Variants in C11orf54 observed in about 807,000 individuals in gnomAD.
The protein encoded by C11orf54 is beta-keto-L-gulonate decarboxylase.
In C11orf54, 29 loss-of-function variants were observed where a neutral mutation model predicts 35.5. That is an observed-to-expected ratio of 0.82 (90% CI 0.61 to 1.11). The LOEUF (loss-of-function observed/expected upper bound fraction) is 1.11. Ranked by LOEUF, C11orf54 falls within the 50% of genes most tolerant of loss-of-function variation. The probability of loss-of-function intolerance (pLI) is 0.00; values close to 1 mark genes in which losing one functional copy is unlikely to be tolerated. For synonymous variants in C11orf54, 108 were observed against 121.1 expected, an observed-to-expected ratio of 0.89 and a Z score of 0.71; for missense variants, 373 against 369.2, an observed-to-expected ratio of 1.01 and a Z score of -0.08.
chr11:93,750,077 A>G (rs1039200414), intron 2 of C11orf54, among the ~76,000 whole-genome samples: 3 of 152,224 alleles, frequency 2.0e-5, no homozygotes, highest in African/African-American at 7.2e-5. Context: ...CTCAAAAAAG[A>G]AGGTAATCCT....
At chr11:93,742,995 TTC>T (rs1419556547) in intron 1 of C11orf54, 1 of 152,174 alleles carries the variant, frequency 6.6e-6, no homozygotes, top group Non-Finnish European at 1.5e-5. Flanking sequence ...TTTGTATTTT[TTC>T]TTTTTTCTTT....
Position 93,764,583 on chromosome 11 carries a change from A to C in C11orf54, c.*2895A>C, listed in dbSNP as rs1943581187. The C allele has an allele frequency of 6.6e-6, 1 of 152,170 alleles. No homozygotes were observed. The highest frequency in any genetic ancestry group is 2.1e-4 in the South Asian group (1 of 4,830). The allele number at this position is 152,170 out of a possible 1,614,324, so 9.4% of individuals were successfully genotyped here. A position where few individuals can be genotyped will look rare whatever the true frequency, so the allele number is the denominator to read the frequency against. On this transcript the variant is annotated 3_prime_UTR_variant, in exon 9 of 9. Transcript: ENST00000354421. The stretch of plus-strand genomic sequence containing the variant: ...CCATCTAATAGAGATGGGGGAAAAG[A>C]TCAAAATGCTTTTCTTTTTAAATTT...
At chr11:93,748,400 G>A (rs554656912) in intron 2 of C11orf54, among the ~76,000 whole-genome samples, 6 of 151,926 alleles carry the variant, frequency 3.9e-5, no homozygotes, top group South Asian at 2.1e-4. Flanking sequence ...CTCCTGCCTC[G>A]GCCACCCAAA....
In C11orf54 at chr11:93,764,416, T is replaced by G. The variant is rs1943576976; in HGVS notation, c.*2728T>G. ...TGACCTTCCAAGGGGTGTGGGAATATTAGAACATCTATTTATATATTTTAT... is the reference window on the plus strand; with the variant it reads ...TGACCTTCCAAGGGGTGTGGGAATAGTAGAACATCTATTTATATATTTTAT... On this transcript the variant is annotated 3_prime_UTR_variant, in exon 9 of 9. Coordinates refer to ENST00000354421, the MANE Select transcript of C11orf54 (RefSeq NM_001286069.2). 1 of 152,168 alleles carries G rather than the reference T, an allele frequency of 6.6e-6. No individual in the cohort carries two copies. The highest frequency in any genetic ancestry group is 1.5e-5 in the Non-Finnish European group (1 of 68,042). The allele number at this position is 152,168 out of a possible 1,614,324, so 9.4% of individuals were successfully genotyped here.
At chr11:93,760,236 T>C (rs624883) in intron 8 of C11orf54, among the ~76,000 whole-genome samples, 143,263 of 152,238 alleles carry the variant, frequency 0.94, 68,074 homozygotes, top group East Asian at 1. Context: ...TGAGCCACCA[T>C]GCCCGGCCAT....
chr11:93,757,783 C>A (rs1256553164), intron 7 of C11orf54, among the ~76,000 whole-genome samples: 1 of 151,928 alleles, frequency 6.6e-6, no homozygotes, highest in Non-Finnish European at 1.5e-5. Flanking sequence ...CCTGTCTCGG[C>A]CTCCCAAAGT....
At chr11:93,747,600 T>C in intron 2 of C11orf54, 152 bp downstream of exon 2, 1 of 457,960 alleles carries the variant, frequency 2.2e-6, no homozygotes, top group Admixed American at 4.4e-5. Context: ...CATTTTCCAT[T>C]TCAGTATCTG....
intron 7 of C11orf54, 80 bp from the exon 8 acceptor site, chr11:93,759,662 A>G (rs1457935512): frequency 8.0e-6 from 5 of 626,632 alleles, no homozygotes; most frequent in African/African-American, 3.9e-5. Flanking sequence ...ATAATAATAA[A>G]TAAGTAAAAT....
intron 3 of C11orf54, among the ~76,000 whole-genome samples, chr11:93,751,561 C>A (rs74323218): frequency 0.23 from 34,590 of 151,552 alleles, 4,176 homozygotes; most frequent in Middle Eastern, 0.3. Flanking sequence ...TGTGCCACCA[C>A]GCCTGGCTAA....
At chr11:93,750,504 A>C in intron 3 of C11orf54, 60 bp downstream of exon 3, 1 of 1,280,950 alleles carries the variant, frequency 7.8e-7, no homozygotes, top group Non-Finnish European at 1.1e-6. Context: ...TGAAACTAGA[A>C]TTATTTTTAA....
intron 6 of C11orf54, among the ~76,000 whole-genome samples, chr11:93,756,210 A>G (rs943168853): frequency 2.7e-5 from 4 of 148,542 alleles, no homozygotes; most frequent in Non-Finnish European, 5.9e-5. Flanking sequence ...GGCTGGCACA[A>G]TGGCTTATGC....
At chr11:93,755,833 A>G (rs1266515748) in intron 6 of C11orf54, among the ~76,000 whole-genome samples, 2 of 151,794 alleles carry the variant, frequency 1.3e-5, no homozygotes, top group African/African-American at 2.4e-5. Flanking sequence ...TTCAGAGAGT[A>G]TGACAGGCAG....
chr11:93,741,766 A>G (rs1247091408), intron 1 of C11orf54, 38 bp downstream of exon 1: 3 of 303,424 alleles, frequency 9.9e-6, no homozygotes, highest in South Asian at 2.6e-5. Context: ...GCAAATAACA[A>G]AAACAAAACG....
At chr11:93,753,661 T>G in intron 3 of C11orf54, 21 bp from the exon 4 acceptor site, 2 of 1,612,124 alleles carry the variant, frequency 1.2e-6, no homozygotes, top group Non-Finnish European at 8.5e-7. Flanking sequence ...CTTGTGTTTT[T>G]GTTTTTTGGT....
chr11:93,757,692 G>A (rs553263599), intron 7 of C11orf54, among the ~76,000 whole-genome samples: 1 of 152,110 alleles, frequency 6.6e-6, no homozygotes, highest in Non-Finnish European at 1.5e-5. Flanking sequence ...ATCACAACCG[G>A]CTCATTTTGT....
rs78999810 is a variant in C11orf54, at chr11:93,743,654, C to T, written c.-98+1926C>T. 8.7e-4 allele frequency among the ~76,000 whole-genome samples: 132 copies of T among 152,276 alleles called. 2 individuals carry two copies. In the East Asian group the frequency reaches 0.022, roughly 26 times the overall value. ...TGCGGCTGTGTCTAGGGGATGCCCG[C>T]GACCCCTGAAGACCCACAGCCTGTC... is the stretch of plus-strand genomic sequence containing the variant. On this transcript the variant is annotated intron_variant, in intron 1 of 8. Coordinates refer to ENST00000354421, the MANE Select transcript of C11orf54 (RefSeq NM_001286069.2).
chr11:93,744,358 CCTAA>C (rs1371452894), intron 1 of C11orf54, among the ~76,000 whole-genome samples: 1 of 152,128 alleles, frequency 6.6e-6, no homozygotes, highest in Non-Finnish European at 1.5e-5. Context: ...AAACAACTGA[CCTAA>C]CTTTTTACTA....
rs1032027304 is a variant in C11orf54 at position 93,764,374 on chromosome 11, T to A, written c.*2686T>A. On this transcript the variant is annotated 3_prime_UTR_variant, in exon 9 of 9. Transcript: ENST00000354421. ...TTAGTGTCCTCCAAAATGGGGTGCA[T>A]GGACAGCAGGTACACATGACCTTCC... is the stretch of plus-strand genomic sequence containing the variant. 1 of 152,212 alleles carries A rather than the reference T, an allele frequency of 6.6e-6. No individual in the cohort carries two copies. The highest frequency in any genetic ancestry group is 2.4e-5 in the African/African-American group (1 of 41,426). The allele number at this position is 152,212 out of a possible 1,614,324, so 9.4% of individuals were successfully genotyped here.
intron 7 of C11orf54, among the ~76,000 whole-genome samples, chr11:93,759,288 A>G (rs1195389928): frequency 1.3e-5 from 2 of 152,262 alleles, no homozygotes; most frequent in African/African-American, 4.8e-5. Context: ...AATGTGGTAC[A>G]TATACACCAT....
Sources: gnomAD v4.1 joint callset for allele counts (sites outside exome capture counted in the v4.1 genomes callset) on GRCh38, gnomAD v4.1.1 for gene constraint, MANE v1.5 for transcripts, NCBI Gene and HGNC (gene_info 2026-07-23, HGNC 2026-07-21) for gene names.